FARSB: variants seen among roughly 807,000 people sequenced by gnomAD.
The protein encoded by FARSB is phenylalanine--tRNA ligase beta subunit.
FARSB carries 40 observed loss-of-function variants against 69.6 expected under a neutral mutation model. The observed-to-expected ratio is 0.57, with a 90% CI of 0.45 to 0.75. The LOEUF (loss-of-function observed/expected upper bound fraction) is 0.75, where lower values mean the gene tolerates loss of function less well. Among genes scored for constraint, FARSB ranks in the 30% least tolerant of loss-of-function variants. The probability of loss-of-function intolerance (pLI) is 0.00; values close to 1 mark genes in which losing one functional copy is unlikely to be tolerated. For missense variants in FARSB, 632 were observed against 722.9 expected (o/e 0.87, Z 1.44); for synonymous variants, 235 against 247.2 (o/e 0.95, Z 0.46).
chr2:222,576,175 C>T (rs1203179406), intron 16 of FARSB, among the ~76,000 whole-genome samples: 1 of 151,986 alleles, frequency 6.6e-6, no homozygotes, highest in African/African-American at 2.4e-5. Flanking sequence ...GATCTTCATC[C>T]CCCTGCCACT....
chr2:222,624,154 A>G, intron 12 of FARSB, 118 bp downstream of exon 12: 1 of 714,468 alleles, frequency 1.4e-6, no homozygotes, highest in East Asian at 2.5e-5. Context: ...AATGCCTCTC[A>G]TTGCAGAGCA....
intron 15 of FARSB, among the ~76,000 whole-genome samples, chr2:222,604,618 T>A (rs1432187915): frequency 6.6e-6 from 1 of 152,096 alleles, no homozygotes; most frequent in African/African-American, 2.4e-5. Context: ...TGCAGCAGCA[T>A]GATCTTGGCT....
intron 10 of FARSB, among the ~76,000 whole-genome samples, chr2:222,627,874 GA>G (rs1005956826): frequency 4.3e-4 from 66 of 152,298 alleles, no homozygotes; most frequent in African/African-American, 1.6e-3. Context: ...AGGGAATAGT[GA>G]AAGATTCAAA....
rs7185 is a variant in FARSB at position 222,571,888 on chromosome 2, C to T, written c.1753G>A (p.Val585Ile). 0.87 allele frequency: 1,399,140 copies of T among 1,612,028 alleles called. 609,470 individuals are homozygous for T. Among genetic ancestry groups the T allele is most frequent in the East Asian group, 0.97 (43,616 of 44,792 alleles). Residue 585 changes from valine (V) to isoleucine (I), a missense_variant, in exon 17 of 17, where the codon GTT becomes ATT. Val to Ile is a conservative substitution (Grantham distance 29). Transcript: ENST00000281828. ...ACCAATCTTCACAAAAAGGGTCCAA[C>T]ATTGATTTCTAGGGAGGAGCAGGGC... ...TMPCSSLEINVGPFL is the reference protein window; with the variant it reads ...TMPCSSLEINIGPFL
rs759171456 is a variant in FARSB at position 222,642,912 on chromosome 2, T to C, written c.208A>G (p.Asn70Asp). The change falls in exon 3 of 17, where the codon AAT becomes GAT. Residue 70 changes from asparagine to aspartate, a missense_variant. Transcript: ENST00000281828. ...TCCAGACACAGGAGATCATATCTATTGGCAGGGACGTCAATTTTGTAAAGA... is the reference window on the plus strand; with the variant it reads ...TCCAGACACAGGAGATCATATCTATCGGCAGGGACGTCAATTTTGTAAAGA... ...VVLYKIDVPA[N>D]RYDLLCLEGL... The C allele has an allele frequency of 6.2e-7, 1 of 1,613,292 alleles. No homozygotes were observed. The highest frequency in any genetic ancestry group is 1.1e-5 in the South Asian group (1 of 91,040).
At chr2:222,601,541 G>A (rs1690561600) in intron 15 of FARSB, among the ~76,000 whole-genome samples, 1 of 152,010 alleles carries the variant, frequency 6.6e-6, no homozygotes, top group Non-Finnish European at 1.5e-5. Context: ...TGTTAACAGA[G>A]GTTATGTTTG....
chr2:222,630,173 G>C lies in FARSB; in HGVS notation c.788C>G (p.Ala263Gly). The C allele has an allele frequency of 6.6e-7, 1 of 1,504,732 alleles. No homozygotes were observed. The highest frequency in any genetic ancestry group is 9.0e-7 in the Non-Finnish European group (1 of 1,116,078). The allele number at this position is 1,504,732 out of a possible 1,614,324, so 93.2% of individuals were successfully genotyped here. A position where few individuals can be genotyped will look rare whatever the true frequency, so the allele number is the denominator to read the frequency against. Residue 263 changes from alanine (A) to glycine (G), a missense_variant and splice_region_variant, in exon 9 of 17, where the codon GCA becomes GGA. Coordinates refer to ENST00000281828, the MANE Select transcript of FARSB (RefSeq NM_005687.5). The part of the protein sequence containing the change: ...IECTGTDFTK[A>G]KIVLDIIVTM... The stretch of plus-strand genomic sequence containing the variant: ...GACAATAATATCAAGAACTATTTTT[G>C]CCTGCAAAGAAAAGAAAAACAAATA...
chr2:222,628,769 T>G, intron 10 of FARSB, 68 bp downstream of exon 10: 1 of 1,072,590 alleles, frequency 9.3e-7, no homozygotes, highest in Non-Finnish European at 1.4e-6. Context: ...AGACAGAACA[T>G]GAGTGCTCTA....
intron 15 of FARSB, among the ~76,000 whole-genome samples, chr2:222,605,457 T>C (rs1559199520): frequency 1.3e-5 from 2 of 152,230 alleles, no homozygotes. Flanking sequence ...CTGGAAGCTT[T>C]ATTTTGGTAA....
chr2:222,634,015 C>T (rs916084780), intron 6 of FARSB, among the ~76,000 whole-genome samples: 6 of 152,102 alleles, frequency 3.9e-5, no homozygotes, highest in African/African-American at 7.2e-5. Flanking sequence ...AATTCATTTT[C>T]GCTGCTGGAC....
At chr2:222,602,241 G>A (rs1690580639) in intron 15 of FARSB, among the ~76,000 whole-genome samples, 1 of 152,084 alleles carries the variant, frequency 6.6e-6, no homozygotes, top group Non-Finnish European at 1.5e-5. Context: ...GGAAAAAAAT[G>A]CAACTAAAAT....
At chr2:222,578,614 A>G (rs1386284868) in intron 16 of FARSB, among the ~76,000 whole-genome samples, 1 of 151,882 alleles carries the variant, frequency 6.6e-6, no homozygotes, top group Non-Finnish European at 1.5e-5. Flanking sequence ...CAACGCGGGA[A>G]GATCACGAGG....
intron 15 of FARSB, among the ~76,000 whole-genome samples, chr2:222,606,735 G>A (rs73993709): frequency 0.039 from 5,876 of 152,268 alleles, 177 homozygotes; most frequent in African/African-American, 0.08. Context: ...ATAGGCTCCT[G>A]TTTGGTATAG....
At chr2:222,600,828 G>A (rs1037995504) in intron 15 of FARSB, among the ~76,000 whole-genome samples, 7 of 152,146 alleles carry the variant, frequency 4.6e-5, no homozygotes, top group African/African-American at 1.4e-4. Context: ...AGAAGCTTAG[G>A]ATACTGGCAA....
intron 14 of FARSB, among the ~76,000 whole-genome samples, chr2:222,619,279 C>T (rs2106214671): frequency 6.7e-6 from 1 of 149,932 alleles, no homozygotes; most frequent in South Asian, 2.1e-4. Flanking sequence ...GCACTCCAGC[C>T]TGAGCAACAG....
intron 4 of FARSB, among the ~76,000 whole-genome samples, chr2:222,640,660 G>A (rs1278368045): frequency 1.3e-5 from 2 of 152,220 alleles, no homozygotes; most frequent in African/African-American, 4.8e-5. Flanking sequence ...GGAGGCTGAG[G>A]TGGGAGGATC....
At chr2:222,611,870 T>C (rs889534012) in intron 15 of FARSB, among the ~76,000 whole-genome samples, 3 of 152,180 alleles carry the variant, frequency 2.0e-5, no homozygotes, top group Admixed American at 1.3e-4. Context: ...GTTGTGAGCA[T>C]GCCCAGCCCC....
intron 13 of FARSB, among the ~76,000 whole-genome samples, 153 bp from the exon 14 acceptor site, chr2:222,619,890 GTAATAA>G (rs757622486): frequency 5.3e-5 from 8 of 151,912 alleles, no homozygotes; most frequent in African/African-American, 1.9e-4. Flanking sequence ...TGAAGTAAAT[GTAATAA>G]TAATAATAAT....
Position 222,645,681 on chromosome 2 carries a change from C to T in FARSB, c.115-2676G>A, listed in dbSNP as rs143332416. Among the ~76,000 whole-genome samples the T allele has an allele frequency of 1.8e-3, 266 of 150,930 alleles. 1 individual carries two copies. The highest frequency in any genetic ancestry group is 6.3e-3 in the African/African-American group (258 of 41,072). ...ATTACAAAAGTAATAGATTTTCTTA[C>T]ATAATACGTTCCTTCAGTAATATAT... On this transcript the variant is annotated intron_variant, in intron 2 of 16. Coordinates refer to ENST00000281828, the MANE Select transcript of FARSB (RefSeq NM_005687.5).
Sources: gnomAD v4.1 joint callset for allele counts (sites outside exome capture counted in the v4.1 genomes callset) on GRCh38, gnomAD v4.1.1 for gene constraint, MANE v1.5 for transcripts, NCBI Gene and HGNC (gene_info 2026-07-23, HGNC 2026-07-21) for gene names.